ATRNL1: variants seen among roughly 807,000 people sequenced by gnomAD.
The protein encoded by ATRNL1 is attractin-like protein 1.
Under a neutral mutation model 182.7 loss-of-function variants are expected in ATRNL1, and 95 were observed. That is an observed-to-expected ratio of 0.52 (90% CI 0.44 to 0.62). The LOEUF is 0.62. ATRNL1 is among the 20% of genes least tolerant of loss of function. ATRNL1 has a pLI of 0.00. For missense variants in ATRNL1, 1,471 were observed against 1,679.5 expected (o/e 0.88, Z 2.17); for synonymous variants, 576 against 568.3 (o/e 1.01, Z -0.19).
chr10:115,389,554 A>ATG lies in ATRNL1; in HGVS notation c.3176-5104_3176-5103insGT, dbSNP rs1354757354. ...AATGTGTATGTGTATATATATATAT[A>ATG]TATATATATATATATATATATATAT... is the stretch of plus-strand genomic sequence containing the variant. On this transcript the variant is annotated intron_variant, in intron 19 of 28. Coordinates refer to ENST00000355044, the MANE Select transcript of ATRNL1 (RefSeq NM_207303.4). Among the ~76,000 whole-genome samples the ATG allele has an allele frequency of 7.0e-3, 510 of 72,526 alleles. 24 individuals are homozygous for ATG. The highest frequency in any genetic ancestry group is 0.023 in the African/African-American group (459 of 20,364). 47.6% of individuals were successfully genotyped at this position (72,526 alleles called of 152,430 possible).
chr10:115,184,088 C>T (rs1454266237), intron 8 of ATRNL1, among the ~76,000 whole-genome samples: 2 of 150,976 alleles, frequency 1.3e-5, no homozygotes, highest in South Asian at 2.1e-4. Flanking sequence ...TATAGCCAAG[C>T]ATCTAAGGAT....
chr10:115,481,525 A>G (rs1401534744), intron 24 of ATRNL1, among the ~76,000 whole-genome samples: 2 of 150,852 alleles, frequency 1.3e-5, no homozygotes, highest in Non-Finnish European at 1.5e-5. Flanking sequence ...AATGAACAAA[A>G]TAACTTGTTG....
intron 26 of ATRNL1, among the ~76,000 whole-genome samples, chr10:115,595,628 C>G (rs2804212): frequency 0.48 from 72,419 of 151,964 alleles, 18,726 homozygotes; most frequent in East Asian, 0.84. Flanking sequence ...TATTTATTAT[C>G]TTTTCCTTTT....
At chr10:115,135,138 T>C (rs1264789) in intron 5 of ATRNL1, among the ~76,000 whole-genome samples, 53,517 of 151,322 alleles carry the variant, frequency 0.35, 9,952 homozygotes, top group African/African-American at 0.45. Context: ...GACAGGGATG[T>C]CCTCTCTCAC....
chr10:115,305,170 A>G (rs1395991320), intron 17 of ATRNL1, among the ~76,000 whole-genome samples: 2 of 151,870 alleles, frequency 1.3e-5, no homozygotes, highest in Non-Finnish European at 2.9e-5. Context: ...GCCACTGCAT[A>G]AGGCAATGCA....
chr10:115,604,489 A>C (rs11197344), intron 26 of ATRNL1, among the ~76,000 whole-genome samples: 74,984 of 151,908 alleles, frequency 0.49, 19,435 homozygotes, highest in African/African-American at 0.6. Context: ...AGTTTTTGGT[A>C]ACCCTTTGTC....
At chr10:115,829,512 A>C (rs1295112931) in intron 27 of ATRNL1, among the ~76,000 whole-genome samples, 3 of 7,950 alleles carry the variant, frequency 3.8e-4, no homozygotes, top group Non-Finnish European at 6.4e-4. Flanking sequence ...TTCTTTTTCA[A>C]AAAAAAAAAA....
intron 27 of ATRNL1, among the ~76,000 whole-genome samples, chr10:115,762,060 A>G (rs1360859669): frequency 6.6e-6 from 1 of 152,168 alleles, no homozygotes; most frequent in African/African-American, 2.4e-5. Context: ...CATTGTCAGA[A>G]TTCATTATTC....
rs782174077 is a variant in ATRNL1, at chr10:115,268,340, A to G, written c.1996A>G (p.Arg666Gly). The stretch of plus-strand genomic sequence containing the variant: ...TTGTATTATAGCTGCTTCTGATGAC[A>G]GATGTTACAGATATGCAGATTGTGC... The part of the protein sequence containing the change: ...CPPKTAASDD[R>G]CYRYADCASC... Residue 666 changes from arginine (R) to glycine (G), a missense_variant, in exon 13 of 29, where the codon AGA (arginine) becomes GGA (glycine). Transcript: ENST00000355044. The G allele has an allele frequency of 3.7e-6, 6 of 1,610,256 alleles. No individual in the cohort carries two copies. Among genetic ancestry groups the G allele is most frequent in the Non-Finnish European group, 4.2e-6 (5 of 1,176,612 alleles).
At chr10:115,103,025 GTAT>G (rs1346450299) in intron 1 of ATRNL1, among the ~76,000 whole-genome samples, 2 of 141,788 alleles carry the variant, frequency 1.4e-5, no homozygotes, top group African/African-American at 5.2e-5. Flanking sequence ...CAGATTCTGT[GTAT>G]ATATTTTTAG....
At chr10:115,584,939 G>A (rs1295407701) in intron 26 of ATRNL1, among the ~76,000 whole-genome samples, 1 of 148,880 alleles carries the variant, frequency 6.7e-6, no homozygotes, top group Non-Finnish European at 1.5e-5. Context: ...AGAGATTCTG[G>A]TATGTTGTGT....
intron 9 of ATRNL1, among the ~76,000 whole-genome samples, chr10:115,239,972 T>TC (rs1850347856): frequency 6.6e-6 from 1 of 152,122 alleles, no homozygotes; most frequent in Non-Finnish European, 1.5e-5. Flanking sequence ...GAGCCTTATG[T>TC]TCTTGGCTTT....
intron 25 of ATRNL1, among the ~76,000 whole-genome samples, chr10:115,547,747 T>G (rs782323119): frequency 1.1e-4 from 16 of 152,066 alleles, no homozygotes; most frequent in Non-Finnish European, 1.9e-4. Flanking sequence ...GAATGAATGA[T>G]TGGTATTGTC....
At chr10:115,223,927 A>ATTT (rs1849582902) in intron 9 of ATRNL1, among the ~76,000 whole-genome samples, 1 of 38,166 alleles carries the variant, frequency 2.6e-5, no homozygotes, top group African/African-American at 9.6e-5. Context: ...ATATATATAT[A>ATTT]TATTTTTTTT....
At chr10:115,918,345 C>T (rs953250063) in intron 28 of ATRNL1, among the ~76,000 whole-genome samples, 13 of 152,030 alleles carry the variant, frequency 8.6e-5, no homozygotes, top group Admixed American at 2.0e-4. Flanking sequence ...AAAGGTAATC[C>T]GCCCACCTTG....
At chr10:115,370,230 G>A (rs371063403) in intron 19 of ATRNL1, among the ~76,000 whole-genome samples, 5 of 152,150 alleles carry the variant, frequency 3.3e-5, no homozygotes, top group African/African-American at 7.2e-5. Context: ...TGTCTTTATC[G>A]GCTGTGTCAA....
At chr10:115,755,831 C>G (rs1948574467) in intron 27 of ATRNL1, among the ~76,000 whole-genome samples, 1 of 151,666 alleles carries the variant, frequency 6.6e-6, no homozygotes, top group Non-Finnish European at 1.5e-5. Context: ...CTATTAATTA[C>G]TGCCTCAGTT....
intron 5 of ATRNL1, among the ~76,000 whole-genome samples, chr10:115,151,218 A>T (rs1412356121): frequency 3.9e-5 from 6 of 152,134 alleles, no homozygotes; most frequent in African/African-American, 1.4e-4. Flanking sequence ...ATGATTTATA[A>T]TCCTTTGGGT....
chr10:115,497,666 C>CT (rs11440990), intron 24 of ATRNL1, among the ~76,000 whole-genome samples: 93,944 of 148,078 alleles, frequency 0.63, 30,681 homozygotes, highest in Non-Finnish European at 0.71. Context: ...TCTTTTTTTT[C>CT]TTTTTTTTTT....
Sources: allele counts gnomAD v4.1 joint callset (sites outside exome capture counted in the v4.1 genomes callset), GRCh38; gene constraint gnomAD v4.1.1; transcripts MANE v1.5; gene names NCBI Gene and HGNC (gene_info 2026-07-23, HGNC 2026-07-21).